MTHFD1L: variants seen among roughly 807,000 people sequenced by gnomAD.
The protein encoded by MTHFD1L is monofunctional C1-tetrahydrofolate synthase, mitochondrial.
A neutral mutation model predicts 119.5 loss-of-function variants in MTHFD1L; 81 were observed. The ratio of observed to expected loss-of-function variants is 0.68; its 90% CI spans 0.57 to 0.82. MTHFD1L has a LOEUF of 0.82. Among genes scored for constraint, MTHFD1L ranks in the 40% least tolerant of loss-of-function variants. The probability of loss-of-function intolerance (pLI) is 0.00; values close to 1 mark genes in which losing one functional copy is unlikely to be tolerated. For missense variants in MTHFD1L, 1,125 were observed against 1,253.4 expected (o/e 0.90, Z 1.55); for synonymous variants, 430 against 475.2 (o/e 0.90, Z 1.24).
rs143514010 is a variant in MTHFD1L, at chr6:150,900,454, C to G, written c.781-5196C>G. Among the ~76,000 whole-genome samples the G allele has an allele frequency of 1.9e-3, 285 of 152,226 alleles. 1 individual carries two copies. Among genetic ancestry groups the G allele is most frequent in the South Asian group, 3.7e-3 (18 of 4,828 alleles). On this transcript the variant is annotated intron_variant, in intron 7 of 27. Coordinates refer to ENST00000367321, the MANE Select transcript of MTHFD1L (RefSeq NM_015440.5). ...CTTTCCTTCCCATTCTGCCAGTTTC[C>G]CCTGGGGAATCCACACTTCTGGTTT...
chr6:151,080,817 A>T (rs567408166), intron 26 of MTHFD1L, among the ~76,000 whole-genome samples: 1 of 152,136 alleles, frequency 6.6e-6, no homozygotes, highest in East Asian at 1.9e-4. Context: ...TTCTCTGTAC[A>T]CAAACATCCC....
intron 15 of MTHFD1L, among the ~76,000 whole-genome samples, chr6:150,948,153 A>G (rs56150076): frequency 0.031 from 4,557 of 148,506 alleles, 88 homozygotes; most frequent in Middle Eastern, 0.05. Context: ...GATTACAGGC[A>G]TGTGCCACCA....
At chr6:150,870,371 T>C (rs1167437894) in intron 1 of MTHFD1L, among the ~76,000 whole-genome samples, 1 of 152,230 alleles carries the variant, frequency 6.6e-6, no homozygotes, top group Non-Finnish European at 1.5e-5. Context: ...ATTACACATA[T>C]AACAAGTTGT....
In MTHFD1L at chr6:150,972,166, G is replaced by A. The variant is rs564787049; in HGVS notation, c.2125+108G>A. 1.8e-5 allele frequency: 17 copies of A among 964,486 alleles called. No individual in the cohort carries two copies. The African/African-American group carries it at 2.8e-4, about 16-fold the overall frequency. The allele number at this position is 964,486 out of a possible 1,614,324, so 59.7% of individuals were successfully genotyped here. On this transcript the variant is annotated intron_variant, in intron 20 of 27. Coordinates refer to ENST00000367321, the MANE Select transcript of MTHFD1L (RefSeq NM_015440.5). ...CCTGACATGAAACATATTCTTTCAGGCACCCTCTTTCATAGAGGGTCTCAA... is the reference window on the plus strand; with the variant it reads ...CCTGACATGAAACATATTCTTTCAGACACCCTCTTTCATAGAGGGTCTCAA...
chr6:151,043,050 A>G (rs1983748), intron 26 of MTHFD1L, among the ~76,000 whole-genome samples: 107,041 of 151,886 alleles, frequency 0.7, 38,287 homozygotes, highest in Non-Finnish European at 0.74. Context: ...TTGGGACAGC[A>G]AAGAAAGGCC....
intron 19 of MTHFD1L, among the ~76,000 whole-genome samples, chr6:150,967,367 GCTC>G (rs1220146110): frequency 6.6e-6 from 1 of 152,156 alleles, no homozygotes; most frequent in Non-Finnish European, 1.5e-5. Flanking sequence ...CCTGCTCGCT[GCTC>G]CTCCTCCGCT....
chr6:151,046,064 C>G (rs73780390), intron 26 of MTHFD1L, among the ~76,000 whole-genome samples: 2 of 152,162 alleles, frequency 1.3e-5, no homozygotes, highest in Admixed American at 1.3e-4. Context: ...ATAAGGTTAT[C>G]TAGGTCCAAT....
At chr6:150,978,890 A>G (rs1263437511) in intron 20 of MTHFD1L, among the ~76,000 whole-genome samples, 1 of 152,062 alleles carries the variant, frequency 6.6e-6, no homozygotes, top group African/African-American at 2.4e-5. Flanking sequence ...TCAGGCGGCT[A>G]TTGTGCTCAG....
intron 19 of MTHFD1L, among the ~76,000 whole-genome samples, chr6:150,968,769 GC>G (rs1797601344): frequency 6.6e-6 from 1 of 150,458 alleles, no homozygotes; most frequent in African/African-American, 2.5e-5. Flanking sequence ...GCCCGCCTGA[GC>G]CCCCAAAGTG....
chr6:151,057,321 A>G (rs1790090820), intron 26 of MTHFD1L: 1 of 985,280 alleles, frequency 1.0e-6, no homozygotes, highest in African/African-American at 1.7e-5. Flanking sequence ...AAATATAATA[A>G]TGGTGGTGAC....
At chr6:150,885,903 G>A (rs925492055) in intron 6 of MTHFD1L, among the ~76,000 whole-genome samples, 169 bp downstream of exon 6, 8 of 152,124 alleles carry the variant, frequency 5.3e-5, no homozygotes, top group South Asian at 4.1e-4. Context: ...GATATTTCAC[G>A]TTGACTTTTT....
At chr6:150,975,025 A>C (rs994226527) in intron 20 of MTHFD1L, among the ~76,000 whole-genome samples, 2 of 152,154 alleles carry the variant, frequency 1.3e-5, no homozygotes, top group Non-Finnish European at 2.9e-5. Flanking sequence ...GGTGTGAGCC[A>C]CCACACCCGG....
intron 27 of MTHFD1L, among the ~76,000 whole-genome samples, chr6:151,095,428 C>A (rs1323773228): frequency 6.6e-6 from 1 of 152,230 alleles, no homozygotes; most frequent in African/African-American, 2.4e-5. Flanking sequence ...TCTCCCATCT[C>A]TCTTGGACAG....
intron 26 of MTHFD1L, among the ~76,000 whole-genome samples, chr6:151,065,845 A>G (rs183578230): frequency 1.1e-3 from 161 of 152,346 alleles, no homozygotes; most frequent in African/African-American, 3.8e-3. Context: ...AGTGCTGATC[A>G]GGCCAGACCC....
At chr6:150,995,152 G>T (rs569115717) in intron 20 of MTHFD1L, among the ~76,000 whole-genome samples, 28 of 152,108 alleles carry the variant, frequency 1.8e-4, no homozygotes, top group Admixed American at 1.8e-3. Context: ...TGGACTTAGG[G>T]ATGGGGGAGG....
chr6:150,970,208 T>C (rs1797833207), intron 19 of MTHFD1L, among the ~76,000 whole-genome samples: 1 of 152,178 alleles, frequency 6.6e-6, no homozygotes, highest in South Asian at 2.1e-4. Context: ...TTTAAGAATA[T>C]TGATTGATTG....
chr6:151,074,174 T>G (rs1369835666), intron 26 of MTHFD1L, among the ~76,000 whole-genome samples: 1 of 152,174 alleles, frequency 6.6e-6, no homozygotes, highest in Non-Finnish European at 1.5e-5. Flanking sequence ...AAGACTATTT[T>G]AGACACGTAA....
chr6:150,932,161 CAAAAAAAA>C (rs5880902), intron 11 of MTHFD1L, among the ~76,000 whole-genome samples: 1 of 39,474 alleles, frequency 2.5e-5, no homozygotes, highest in Non-Finnish European at 4.3e-5. Flanking sequence ...GACTCCATCT[CAAAAAAAA>C]AAAAAAAAAA....
At chr6:150,961,109 T>TTTTTG (rs1389148746) in intron 18 of MTHFD1L, among the ~76,000 whole-genome samples, 1 of 148,354 alleles carries the variant, frequency 6.7e-6, no homozygotes, top group Non-Finnish European at 1.5e-5. Flanking sequence ...TTTTTTTTTT[T>TTTTTG]TTCTGAGACA....
Sources: allele counts gnomAD v4.1 joint callset (sites outside exome capture counted in the v4.1 genomes callset), GRCh38; gene constraint gnomAD v4.1.1; transcripts MANE v1.5; gene names NCBI Gene and HGNC (gene_info 2026-07-23, HGNC 2026-07-21).